The following ANO10 variants were observed in gnomAD, a reference collection of about 807,000 sequenced individuals.
ANO10 encodes the protein anoctamin-10.
In ANO10, 77 loss-of-function variants were observed where a neutral mutation model predicts 74.7. That is an observed-to-expected ratio of 1.03 (90% CI 0.86 to 1.25). The LOEUF is 1.25. Ranked by LOEUF, ANO10 falls within the 50% of genes most tolerant of loss-of-function variation. The pLI, the probability that ANO10 is intolerant of heterozygous loss-of-function variation, is 0.00. For missense variants in ANO10, 721 were observed against 778.1 expected, an observed-to-expected ratio of 0.93 and a Z score of 0.87; for synonymous variants, 279 against 284.9, an observed-to-expected ratio of 0.98 and a Z score of 0.21.
intron 1 of ANO10, among the ~76,000 whole-genome samples, chr3:43,630,956 C>T (rs1443597670): frequency 5.3e-5 from 8 of 151,812 alleles, no homozygotes; most frequent in South Asian, 4.2e-4. Context: ...CTTTCCCTCA[C>T]GTGAGCTACC....
At chr3:43,680,774 T>C (rs2084185433) in intron 1 of ANO10, among the ~76,000 whole-genome samples, 1 of 150,422 alleles carries the variant, frequency 6.6e-6, no homozygotes, top group African/African-American at 2.5e-5. Context: ...TGGGGGCCAA[T>C]ATTCAACATT....
chr3:43,445,774 A>G (rs1444482771), intron 11 of ANO10, among the ~76,000 whole-genome samples: 1 of 152,050 alleles, frequency 6.6e-6, no homozygotes, highest in African/African-American at 2.4e-5. Flanking sequence ...ATCTCAGCTC[A>G]CTACAACCTC....
chr3:43,565,136 T>C (rs1405105672), intron 8 of ANO10, among the ~76,000 whole-genome samples: 2 of 152,214 alleles, frequency 1.3e-5, no homozygotes, highest in East Asian at 3.8e-4. Context: ...AAAAGGAGAA[T>C]TTAGAAATCA....
chr3:43,567,887 G>A (rs1446018182), intron 7 of ANO10, among the ~76,000 whole-genome samples: 2 of 152,100 alleles, frequency 1.3e-5, no homozygotes, highest in African/African-American at 4.8e-5. Context: ...ACACAGACGG[G>A]CAAACTGGAT....
chr3:43,432,944 C>CTTTTTTTTT lies in ANO10; in HGVS notation c.1798-226_1798-218dup, dbSNP rs5848663. ...CAGTAATTACTGACTTTGCTTAATT[C>CTTTTTTTTT]TTTTTTTTTTTTTTTTTTTTTTTTT... On this transcript the variant is annotated intron_variant, in intron 11 of 12. Coordinates refer to ENST00000292246, the MANE Select transcript of ANO10 (RefSeq NM_018075.5). Among the ~76,000 whole-genome samples, 139 of 55,280 alleles carry CTTTTTTTTT rather than the reference C, an allele frequency of 2.5e-3. 20 individuals carry two copies. The highest frequency in any genetic ancestry group is 5.6e-3 in the East Asian group (6 of 1,072). The allele number at this position is 55,280 out of a possible 152,430, so 36.3% of individuals were successfully genotyped here. A position where few individuals can be genotyped will look rare whatever the true frequency, so the allele number is the denominator to read the frequency against.
At chr3:43,414,342 G>A (rs1030867591) in intron 12 of ANO10, among the ~76,000 whole-genome samples, 2 of 152,114 alleles carry the variant, frequency 1.3e-5, no homozygotes, top group Non-Finnish European at 2.9e-5. Flanking sequence ...TACTATACTT[G>A]CAGCTCAATT....
At chr3:43,597,206 A>G (rs1000336760) in intron 4 of ANO10, among the ~76,000 whole-genome samples, 4 of 152,140 alleles carry the variant, frequency 2.6e-5, no homozygotes, top group Non-Finnish European at 4.4e-5. Context: ...GACAGTGGCG[A>G]TTCCTCAAGG....
In ANO10 at chr3:43,402,128, C is replaced by A. The variant is rs530606811; in HGVS notation, c.1914+30483G>T. Among the ~76,000 whole-genome samples, 4 of 152,330 alleles carry A rather than the reference C, an allele frequency of 2.6e-5. No homozygotes were observed. In the South Asian group the frequency reaches 8.3e-4, roughly 32 times the overall value. ...TGCCTGCTCACTCACTAGTTTTCCT[C>A]AAACCAAATGCACAAACACAAACAA... On this transcript the variant is annotated intron_variant, in intron 12 of 12. Coordinates refer to ENST00000292246, the MANE Select transcript of ANO10 (RefSeq NM_018075.5).
chr3:43,565,238 C>G (rs1377545987), intron 8 of ANO10, among the ~76,000 whole-genome samples: 1 of 152,178 alleles, frequency 6.6e-6, no homozygotes, highest in Non-Finnish European at 1.5e-5. Flanking sequence ...AGAAAAGATA[C>G]AGCACTGCAT....
intron 4 of ANO10, among the ~76,000 whole-genome samples, chr3:43,590,774 G>A (rs1344783458): frequency 6.6e-6 from 1 of 152,236 alleles, no homozygotes; most frequent in Non-Finnish European, 1.5e-5. Context: ...CTGGGAAAAT[G>A]TGAATATGAA....
rs5848663 is a variant in ANO10 at position 43,432,944 on chromosome 3, CTTTTTTTTTTTTTTTTTTT to C, written c.1798-236_1798-218del. ...CAGTAATTACTGACTTTGCTTAATT[CTTTTTTTTTTTTTTTTTTT>C]TTTTTTTTTTTGAGACCGAGTTTCA... On this transcript the variant is annotated intron_variant, in intron 11 of 12. Transcript: ENST00000292246. Among the ~76,000 whole-genome samples the C allele has an allele frequency of 5.4e-5, 3 of 55,284 alleles. No homozygotes were observed. In the South Asian group the frequency reaches 3.0e-3, roughly 55 times the overall value. 36.3% of individuals were successfully genotyped at this position (55,284 alleles called of 152,430 possible). A position where few individuals can be genotyped will look rare whatever the true frequency, so the allele number is the denominator to read the frequency against.
intron 12 of ANO10, among the ~76,000 whole-genome samples, chr3:43,396,346 GT>G (rs112983708): frequency 7.4e-5 from 11 of 148,530 alleles, no homozygotes; most frequent in Middle Eastern, 3.4e-3. Context: ...GTTTGATAAG[GT>G]TTTTTTTTTG....
At chr3:43,420,780 A>T (rs759699984) in intron 12 of ANO10, among the ~76,000 whole-genome samples, 3 of 152,256 alleles carry the variant, frequency 2.0e-5, no homozygotes, top group Non-Finnish European at 4.4e-5. Flanking sequence ...CTTTGACCTT[A>T]ATGATGTTCA....
At chr3:43,367,122 G>T in intron 12 of ANO10, 148 bp from the exon 13 acceptor site, 1 of 762,016 alleles carries the variant, frequency 1.3e-6, no homozygotes, top group Non-Finnish European at 2.3e-6. Context: ...AAGTCCCTGG[G>T]TCTGACTCTG....
chr3:43,663,395 A>C (rs142946328), intron 1 of ANO10, among the ~76,000 whole-genome samples: 5 of 152,340 alleles, frequency 3.3e-5, no homozygotes, highest in Non-Finnish European at 1.5e-5. Flanking sequence ...ATATCTCAAC[A>C]TAATAAGAGC....
intron 12 of ANO10, among the ~76,000 whole-genome samples, chr3:43,393,294 C>T (rs1470374917): frequency 6.6e-6 from 1 of 152,202 alleles, no homozygotes; most frequent in African/African-American, 2.4e-5. Flanking sequence ...CAGAGCATGG[C>T]TCTGGAGCCT....
intron 12 of ANO10, among the ~76,000 whole-genome samples, chr3:43,395,827 A>T (rs1465521485): frequency 6.6e-6 from 1 of 151,926 alleles, no homozygotes; most frequent in East Asian, 1.9e-4. Context: ...TCTATAGAAC[A>T]GGGGTTGGCA....
chr3:43,375,495 A>AT lies in ANO10; in HGVS notation c.1915-8522dup, dbSNP rs564481043. Among the ~76,000 whole-genome samples the AT allele has an allele frequency of 3.6e-3, 536 of 148,634 alleles. 6 individuals are homozygous for AT. The highest frequency in any genetic ancestry group is 0.011 in the African/African-American group (436 of 40,714). ...AAAAAATATCCAGAAGTCCTTGATG[A>AT]TTTTTTTTTTTAAAGAAAGGCTTCC... On this transcript the variant is annotated intron_variant, in intron 12 of 12. Coordinates refer to ENST00000292246, the MANE Select transcript of ANO10 (RefSeq NM_018075.5).
chr3:43,679,057 C>T (rs551633157), intron 1 of ANO10, among the ~76,000 whole-genome samples: 18 of 152,222 alleles, frequency 1.2e-4, no homozygotes, highest in Non-Finnish European at 1.8e-4. Context: ...ACTGAGGTAC[C>T]GGGTTTATCG....
Sources: allele counts gnomAD v4.1 joint callset (sites outside exome capture counted in the v4.1 genomes callset), GRCh38; gene constraint gnomAD v4.1.1; transcripts MANE v1.5; gene names NCBI Gene and HGNC (gene_info 2026-07-23, HGNC 2026-07-21).